RCOR1: variants seen among roughly 807,000 people sequenced by gnomAD.
RCOR1 encodes REST corepressor 1, also known as REST corepressor.
In RCOR1, 12 loss-of-function variants were observed where a neutral mutation model predicts 64.0. The ratio of observed to expected loss-of-function variants is 0.19; its 90% CI spans 0.12 to 0.30. The LOEUF is 0.30. RCOR1 is among the 10% of genes least tolerant of loss of function. The pLI is 1.00. For synonymous variants in RCOR1, 279 were observed against 227.2 expected (o/e 1.23, Z -2.05); for missense variants, 502 against 621.2 (o/e 0.81, Z 2.04).
At chr14:102,680,037 A>G (rs117184741) in intron 2 of RCOR1, among the ~76,000 whole-genome samples, 1,565 of 152,324 alleles carry the variant, frequency 0.01, 16 homozygotes, top group Admixed American at 0.015. Context: ...GTCTATATCT[A>G]TGATCTATTT....
intron 3 of RCOR1, among the ~76,000 whole-genome samples, chr14:102,683,645 T>C (rs1159811885): frequency 6.6e-6 from 1 of 152,108 alleles, no homozygotes; most frequent in Non-Finnish European, 1.5e-5. Flanking sequence ...TGGGCCAAGC[T>C]CTCCTCTGGG....
rs1307882389 is a variant in RCOR1, at chr14:102,606,627, GT to G, written c.361+13318del. Among the ~76,000 whole-genome samples, 161 of 139,338 alleles carry G rather than the reference GT, an allele frequency of 1.2e-3. 1 individual carries two copies. Among genetic ancestry groups the G allele is most frequent in the Middle Eastern group, 3.6e-3 (1 of 274 alleles). 91.4% of individuals were successfully genotyped at this position (139,338 alleles called of 152,430 possible). A position where few individuals can be genotyped will look rare whatever the true frequency, so the allele number is the denominator to read the frequency against. On this transcript the variant is annotated intron_variant, in intron 2 of 11. Transcript: ENST00000262241. Reference sequence around the variant, plus strand: ...TTTGAACCACCAAATCAGGTTTTAAGTTTTTTTTTTTTTTTTGGAGGGGAGA... The same window carrying G: ...TTTGAACCACCAAATCAGGTTTTAAGTTTTTTTTTTTTTTTGGAGGGGAGA...
chr14:102,662,717 A>G lies in RCOR1; in HGVS notation c.362-19178A>G, dbSNP rs1230869596. On this transcript the variant is annotated intron_variant, in intron 2 of 11. Coordinates refer to ENST00000262241, the MANE Select transcript of RCOR1 (RefSeq NM_015156.4). Reference sequence around the variant, plus strand: ...TTTGCTTTCGGTGCCATCTTGTGAAAAGGGCTCTGCAGCTTTTAATGTGTA... The same window carrying G: ...TTTGCTTTCGGTGCCATCTTGTGAAGAGGGCTCTGCAGCTTTTAATGTGTA... 4 of 428,328 alleles carry G rather than the reference A, an allele frequency of 9.3e-6. No homozygotes were observed. The East Asian group carries it at 2.2e-4, about 24-fold the overall frequency. The allele number at this position is 428,328 out of a possible 1,614,324, so 26.5% of individuals were successfully genotyped here.
At chr14:102,614,343 G>GC (rs1028600326) in intron 2 of RCOR1, among the ~76,000 whole-genome samples, 30 of 149,790 alleles carry the variant, frequency 2.0e-4, no homozygotes, top group Middle Eastern at 3.4e-3. Context: ...TCCTGCCTCA[G>GC]CCCCCCGAGT....
intron 2 of RCOR1, among the ~76,000 whole-genome samples, chr14:102,670,046 G>A (rs543143426): frequency 2.0e-4 from 30 of 152,280 alleles, no homozygotes; most frequent in African/African-American, 5.5e-4. Context: ...TGCCTCCTGG[G>A]TTCAAGCAAT....
chr14:102,654,142 C>T (rs890526243), intron 2 of RCOR1, among the ~76,000 whole-genome samples: 1 of 151,448 alleles, frequency 6.6e-6, no homozygotes, highest in Non-Finnish European at 1.5e-5. Flanking sequence ...CCTGCCACCA[C>T]GCCTGGCTAA....
At chr14:102,615,505 A>G (rs965816054) in intron 2 of RCOR1, among the ~76,000 whole-genome samples, 15 of 144,562 alleles carry the variant, frequency 1.0e-4, no homozygotes, top group Non-Finnish European at 1.5e-4. Flanking sequence ...CTGGAGTGCA[A>G]TGGTGCGATC....
chr14:102,616,089 G>T (rs923664150), intron 2 of RCOR1, among the ~76,000 whole-genome samples: 1 of 152,172 alleles, frequency 6.6e-6, no homozygotes, highest in African/African-American at 2.4e-5. Context: ...TGACCAGCCA[G>T]CTGCAAATTT....
At chr14:102,594,098 A>G (rs1221881427) in intron 2 of RCOR1, among the ~76,000 whole-genome samples, 1 of 152,206 alleles carries the variant, frequency 6.6e-6, no homozygotes, top group Non-Finnish European at 1.5e-5. Context: ...GTGTAGAAGC[A>G]AATTTAAAGT....
chr14:102,603,043 T>C (rs1893435713), intron 2 of RCOR1, among the ~76,000 whole-genome samples: 1 of 152,094 alleles, frequency 6.6e-6, no homozygotes, highest in Non-Finnish European at 1.5e-5. Flanking sequence ...AAGTGTCTTA[T>C]GTTTTTAATT....
At chr14:102,709,019 A>G (rs1031880798) in intron 6 of RCOR1, among the ~76,000 whole-genome samples, 5 of 152,200 alleles carry the variant, frequency 3.3e-5, no homozygotes, top group African/African-American at 1.2e-4. Context: ...GAAACATTTT[A>G]TAATCTCTTA....
At chr14:102,595,233 A>T (rs892501824) in intron 2 of RCOR1, among the ~76,000 whole-genome samples, 1 of 152,240 alleles carries the variant, frequency 6.6e-6, no homozygotes, top group South Asian at 2.1e-4. Flanking sequence ...AGATTGCAGT[A>T]GCTCACACCT....
rs186547190 is a variant in RCOR1 at position 102,642,823 on chromosome 14, T to G, written c.362-39072T>G. ...CTGCACTCCAGCCTAGGTGACAGAGTGAGACCCTGTCTATTAAAAAAAGTT... is the reference window on the plus strand; with the variant it reads ...CTGCACTCCAGCCTAGGTGACAGAGGGAGACCCTGTCTATTAAAAAAAGTT... On this transcript the variant is annotated intron_variant, in intron 2 of 11. Transcript: ENST00000262241. Among the ~76,000 whole-genome samples the G allele has an allele frequency of 2.7e-5, 4 of 150,668 alleles. No homozygotes were observed. In the East Asian group the frequency reaches 8.0e-4, roughly 30 times the overall value.
At chr14:102,639,831 TATTCATTCATTCATTC>T (rs34567389) in intron 2 of RCOR1, among the ~76,000 whole-genome samples, 17 of 147,292 alleles carry the variant, frequency 1.2e-4, no homozygotes, top group Non-Finnish European at 9.0e-5. Context: ...GAGCTCAGCC[TATTCATTCATTCATTC>T]ATTCATTCAT....
intron 3 of RCOR1, among the ~76,000 whole-genome samples, chr14:102,692,127 G>A (rs568785008): frequency 6.6e-6 from 1 of 152,202 alleles, no homozygotes; most frequent in Admixed American, 6.5e-5. Context: ...TTTTAGTTAG[G>A]TCTGTTAATG....
chr14:102,607,780 G>T (rs1415024192), intron 2 of RCOR1, among the ~76,000 whole-genome samples: 1 of 152,192 alleles, frequency 6.6e-6, no homozygotes, highest in Non-Finnish European at 1.5e-5. Context: ...TACTCAGGAG[G>T]CTGAGGCAGG....
At chr14:102,706,882 T>C (rs1468177952) in intron 4 of RCOR1, among the ~76,000 whole-genome samples, 1 of 151,852 alleles carries the variant, frequency 6.6e-6, no homozygotes, top group Admixed American at 6.6e-5. Context: ...GAATTATTTA[T>C]AGTTTCTCTG....
intron 11 of RCOR1, among the ~76,000 whole-genome samples, chr14:102,723,458 A>C (rs1279556889): frequency 6.6e-6 from 1 of 152,200 alleles, no homozygotes; most frequent in Non-Finnish European, 1.5e-5. Context: ...AACACCATTG[A>C]AACATATTAA....
At chr14:102,597,910 CCT>C (rs1345842221) in intron 2 of RCOR1, among the ~76,000 whole-genome samples, 1 of 150,494 alleles carries the variant, frequency 6.6e-6, no homozygotes, top group Non-Finnish European at 1.5e-5. Context: ...TCAACCTCCA[CCT>C]CTCAGGTTCA....
Sources: gnomAD v4.1 joint callset for allele counts (sites outside exome capture counted in the v4.1 genomes callset) on GRCh38, gnomAD v4.1.1 for gene constraint, MANE v1.5 for transcripts, NCBI Gene and HGNC (gene_info 2026-07-23, HGNC 2026-07-21) for gene names.